The following GFI1B variants were observed in gnomAD, a reference collection of about 807,000 sequenced individuals.
GFI1B encodes growth factor independent 1B transcriptional repressor.
A neutral mutation model predicts 35.3 loss-of-function variants in GFI1B; 20 were observed. The observed-to-expected ratio is 0.57, with a 90% CI of 0.40 to 0.82. GFI1B has a LOEUF of 0.82. GFI1B is among the 40% of genes least tolerant of loss of function. The probability of loss-of-function intolerance (pLI) is 0.00; values close to 1 mark genes in which losing one functional copy is unlikely to be tolerated. For missense variants in GFI1B, 430 were observed against 446.3 expected (o/e 0.96, Z 0.33); for synonymous variants, 178 against 177.6 (o/e 1.00, Z -0.02).
chr9:132,956,512 G>T (rs1848285939), intron 1 of GFI1B, among the ~76,000 whole-genome samples: 1 of 152,184 alleles, frequency 6.6e-6, no homozygotes, highest in Admixed American at 6.5e-5. Context: ...GAGACTCCAG[G>T]AACCCATGGA....
intron 1 of GFI1B, among the ~76,000 whole-genome samples, chr9:132,968,290 A>AT (rs1564526956): frequency 1.9e-4 from 28 of 148,580 alleles, no homozygotes; most frequent in African/African-American, 2.7e-4. Context: ...ATTAAAGAAA[A>AT]ATTTTTTTTT....
intron 1 of GFI1B, among the ~76,000 whole-genome samples, chr9:132,964,466 A>G (rs1848417674): frequency 6.6e-6 from 1 of 152,146 alleles, no homozygotes; most frequent in South Asian, 2.1e-4. Context: ...AAATTGTCTG[A>G]ATCAATTTTC....
At chr9:132,948,759 C>T (rs1050955325) in intron 1 of GFI1B, among the ~76,000 whole-genome samples, 1 of 152,248 alleles carries the variant, frequency 6.6e-6, no homozygotes, top group Non-Finnish European at 1.5e-5. Flanking sequence ...CCAAGGAACG[C>T]CCAGAGGCTT....
At chr9:132,984,374 G>A (rs1259293218) in intron 1 of GFI1B, among the ~76,000 whole-genome samples, 1 of 152,148 alleles carries the variant, frequency 6.6e-6, no homozygotes, top group Admixed American at 6.5e-5. Context: ...CGTGTCCCTG[G>A]GAGATAAGGC....
chr9:132,969,380 C>T (rs115023090), intron 1 of GFI1B, among the ~76,000 whole-genome samples: 1,853 of 152,222 alleles, frequency 0.012, 42 homozygotes, highest in African/African-American at 0.042. Context: ...ATGAAGTGAC[C>T]GTATTTGTCT....
intron 6 of GFI1B, 120 bp from the exon 7 acceptor site, chr9:132,990,752 C>T: frequency 1.2e-5 from 10 of 815,468 alleles, no homozygotes; most frequent in Non-Finnish European, 2.1e-5. Context: ...TGTGAGTTGG[C>T]CATGAGAGAA....
In GFI1B at chr9:132,988,225, G is replaced by C; in HGVS notation, c.267G>C (p.Gln89His). Reference sequence around the variant, plus strand: ...GCCCCATTGTGCTGTCCCGACCCCAGGATGGGGACTCTCCACTGTCCGACT... The same window carrying C: ...GCCCCATTGTGCTGTCCCGACCCCACGATGGGGACTCTCCACTGTCCGACT... ...PEGPIVLSRP[Q>H]DGDSPLSDSP... is the part of the protein sequence containing the mutation. Residue 89 changes from glutamine (Q) to histidine (H), a missense_variant, in exon 4 of 7, where the codon CAG (glutamine) becomes CAC (histidine). Physicochemically the swap from Gln to His is conservative, Grantham distance 24. Transcript: ENST00000372122. 2 of 1,614,070 alleles carry C rather than the reference G, an allele frequency of 1.2e-6. No homozygotes were observed. The highest frequency in any genetic ancestry group is 1.7e-6 in the Non-Finnish European group (2 of 1,179,920).
chr9:132,981,281 A>G (rs567499437), intron 1 of GFI1B, among the ~76,000 whole-genome samples: 3 of 152,330 alleles, frequency 2.0e-5, no homozygotes, highest in Admixed American at 6.5e-5. Flanking sequence ...GTGCTGCTAT[A>G]AACATGAGTA....
chr9:132,971,319 C>A (rs1848529139), intron 1 of GFI1B, among the ~76,000 whole-genome samples: 1 of 152,172 alleles, frequency 6.6e-6, no homozygotes, highest in Non-Finnish European at 1.5e-5. Flanking sequence ...TGACTCCCAC[C>A]CAAGTTCCCT....
At chr9:132,949,458 G>A (rs566417664) in intron 1 of GFI1B, among the ~76,000 whole-genome samples, 1 of 152,244 alleles carries the variant, frequency 6.6e-6, no homozygotes, top group East Asian at 1.9e-4. Context: ...GAGACCCCAA[G>A]ACTGAGATAC....
intron 1 of GFI1B, among the ~76,000 whole-genome samples, chr9:132,947,424 A>G: frequency 6.7e-6 from 1 of 148,382 alleles, no homozygotes; most frequent in South Asian, 2.1e-4. Context: ...AAAAAAAAAA[A>G]AAAAAAGAAA....
chr9:132,990,135 A>C (rs956514544), intron 6 of GFI1B, among the ~76,000 whole-genome samples: 4 of 152,266 alleles, frequency 2.6e-5, no homozygotes, highest in African/African-American at 9.6e-5. Flanking sequence ...CTCATGGCAG[A>C]CATGAGACTA....
chr9:132,987,155 G>T lies in GFI1B; in HGVS notation c.101-127G>T, dbSNP rs1181891258. On this transcript the variant is annotated intron_variant, in intron 2 of 6. Transcript: ENST00000372122. Reference sequence around the variant, plus strand: ...TGGGCAGAGCCCGGGAGTGTGAGCCGCCAGAAGCAGCGGCACGTGGCTGTC... The same window carrying T: ...TGGGCAGAGCCCGGGAGTGTGAGCCTCCAGAAGCAGCGGCACGTGGCTGTC... 3.7e-6 allele frequency: 4 copies of T among 1,073,280 alleles called. No individual in the cohort carries two copies. The African/African-American group carries it at 6.2e-5, about 17-fold the overall frequency. 66.5% of individuals were successfully genotyped at this position (1,073,280 alleles called of 1,614,324 possible). A position where few individuals can be genotyped will look rare whatever the true frequency, so the allele number is the denominator to read the frequency against.
chr9:132,958,017 G>C (rs1023673031), intron 1 of GFI1B, among the ~76,000 whole-genome samples: 2 of 152,148 alleles, frequency 1.3e-5, no homozygotes, highest in East Asian at 3.9e-4. Flanking sequence ...GATAATCAAC[G>C]TCTGAGTCAT....
intron 1 of GFI1B, among the ~76,000 whole-genome samples, chr9:132,982,629 G>A (rs941874165): frequency 2.0e-5 from 3 of 152,140 alleles, no homozygotes; most frequent in Non-Finnish European, 2.9e-5. Flanking sequence ...TTCTCAGAAC[G>A]GAGTTCATGT....
At chr9:132,979,659 G>A (rs1848749738) in intron 1 of GFI1B, among the ~76,000 whole-genome samples, 2 of 152,146 alleles carry the variant, frequency 1.3e-5, no homozygotes, top group Non-Finnish European at 2.9e-5. Context: ...ACCGACCATG[G>A]AGAGGTACTG....
At chr9:132,984,971 C>T (rs1848984488) in intron 1 of GFI1B, among the ~76,000 whole-genome samples, 1 of 152,210 alleles carries the variant, frequency 6.6e-6, no homozygotes, top group African/African-American at 2.4e-5. Context: ...GGCCTTATCA[C>T]CCAGGCCCTC....
At chr9:132,978,929 TC>T (rs1848714197) in intron 1 of GFI1B, 88 bp downstream of exon 1, 1 of 152,272 alleles carries the variant, frequency 6.6e-6, no homozygotes, top group African/African-American at 2.4e-5. Flanking sequence ...CCCTGGCTCC[TC>T]CTGCGGTCCT....
chr9:132,972,954 T>C (rs2132611907), intron 2 of GFI1B, among the ~76,000 whole-genome samples: 1 of 152,248 alleles, frequency 6.6e-6, no homozygotes, highest in Non-Finnish European at 1.5e-5. Flanking sequence ...GATGACCAGG[T>C]GGACGTTTCC....
Sources: gnomAD v4.1 joint callset for allele counts (sites outside exome capture counted in the v4.1 genomes callset) on GRCh38, gnomAD v4.1.1 for gene constraint, MANE v1.5 for transcripts, NCBI Gene and HGNC (gene_info 2026-07-23, HGNC 2026-07-21) for gene names.